Variants in INPP4B observed in about 807,000 individuals in gnomAD.
The protein encoded by INPP4B is inositol polyphosphate 4-phosphatase type II.
A neutral mutation model predicts 122.5 loss-of-function variants in INPP4B; 55 were observed. The observed-to-expected ratio is 0.45, with a 90% CI of 0.36 to 0.56. INPP4B has a LOEUF of 0.56. Among genes scored for constraint, INPP4B ranks in the 20% least tolerant of loss-of-function variants. The pLI is 0.00. For missense variants in INPP4B, 1,000 were observed against 1,097.7 expected, an observed-to-expected ratio of 0.91 and a Z score of 1.26; for synonymous variants, 403 against 388.7, an observed-to-expected ratio of 1.04 and a Z score of -0.43.
intron 1 of INPP4B, among the ~76,000 whole-genome samples, chr4:142,817,823 T>A (rs373151969): frequency 5.9e-5 from 9 of 152,254 alleles, no homozygotes; most frequent in African/African-American, 1.9e-4. Flanking sequence ...TAAAAACATC[T>A]AAACCTACTT....
chr4:142,254,078 C>A (rs1035554125), intron 11 of INPP4B, among the ~76,000 whole-genome samples: 1 of 152,084 alleles, frequency 6.6e-6, no homozygotes, highest in African/African-American at 2.4e-5. Flanking sequence ...CTGGGAGGCA[C>A]CCCCCAGCAG....
chr4:142,428,137 T>G (rs1238878698), intron 5 of INPP4B, among the ~76,000 whole-genome samples: 1 of 151,628 alleles, frequency 6.6e-6, no homozygotes, highest in Non-Finnish European at 1.5e-5. Flanking sequence ...ATAAGTCATA[T>G]TTTAAAATAA....
chr4:142,734,508 A>G (rs146850632), intron 1 of INPP4B, among the ~76,000 whole-genome samples: 1 of 152,276 alleles, frequency 6.6e-6, no homozygotes, highest in Non-Finnish European at 1.5e-5. Flanking sequence ...CTTCAGGTAT[A>G]TTCCTTTTGC....
chr4:142,571,612 C>T (rs1732843620), intron 2 of INPP4B, among the ~76,000 whole-genome samples: 2 of 152,100 alleles, frequency 1.3e-5, no homozygotes, highest in East Asian at 3.9e-4. Flanking sequence ...TATCTCCTTG[C>T]AATAAAAAAG....
At chr4:142,094,621 C>T (rs1781062243) in intron 23 of INPP4B, among the ~76,000 whole-genome samples, 5 of 152,172 alleles carry the variant, frequency 3.3e-5, no homozygotes, top group Admixed American at 3.3e-4. Flanking sequence ...ACATAACCAG[C>T]CCTTCTCCAA....
chr4:142,133,074 G>T (rs1398904134), intron 18 of INPP4B, among the ~76,000 whole-genome samples: 1 of 152,060 alleles, frequency 6.6e-6, no homozygotes, highest in African/African-American at 2.4e-5. Context: ...TATTCTCTTT[G>T]TATTCCTCCT....
intron 1 of INPP4B, among the ~76,000 whole-genome samples, chr4:142,742,670 C>T (rs1768079763): frequency 6.6e-6 from 1 of 151,414 alleles, no homozygotes; most frequent in East Asian, 1.9e-4. Flanking sequence ...ACCAAATGAC[C>T]CATGGGAAAG....
chr4:142,164,070 A>C (rs1333925795), intron 16 of INPP4B, among the ~76,000 whole-genome samples: 1 of 151,876 alleles, frequency 6.6e-6, no homozygotes, highest in Non-Finnish European at 1.5e-5. Flanking sequence ...CCTTAAAAAA[A>C]CGAAATGTTT....
chr4:142,504,464 T>TAAATAC (rs1252548451), intron 2 of INPP4B, among the ~76,000 whole-genome samples: 1 of 152,168 alleles, frequency 6.6e-6, no homozygotes, highest in East Asian at 1.9e-4. Flanking sequence ...GTTAGAATTA[T>TAAATAC]AAATACATAT....
intron 15 of INPP4B, among the ~76,000 whole-genome samples, chr4:142,182,388 A>T (rs1004073101): frequency 1.2e-4 from 18 of 151,898 alleles, no homozygotes; most frequent in Non-Finnish European, 1.9e-4. Context: ...CTCTACAAAA[A>T]ATACAAAAAA....
intron 2 of INPP4B, among the ~76,000 whole-genome samples, chr4:142,520,270 A>G (rs1040071724): frequency 3.9e-5 from 6 of 152,040 alleles, no homozygotes; most frequent in African/African-American, 1.4e-4. Flanking sequence ...GGTAATCATT[A>G]GGAAATGAGA....
At chr4:142,445,908 A>T (rs1812818864) in intron 3 of INPP4B, among the ~76,000 whole-genome samples, 1 of 152,188 alleles carries the variant, frequency 6.6e-6, no homozygotes, top group Non-Finnish European at 1.5e-5. Flanking sequence ...AAATATTTGA[A>T]AATTAAACAA....
At chr4:142,398,394 A>T (rs1800185648) in intron 7 of INPP4B, among the ~76,000 whole-genome samples, 1 of 23,924 alleles carries the variant, frequency 4.2e-5, no homozygotes, top group Non-Finnish European at 9.5e-5. Context: ...AAAAAAAAAA[A>T]AAAAAAAATA....
intron 2 of INPP4B, among the ~76,000 whole-genome samples, chr4:142,584,807 T>C (rs1735821975): frequency 6.6e-6 from 1 of 152,262 alleles, no homozygotes; most frequent in Admixed American, 6.5e-5. Context: ...GTGGGAGTTA[T>C]GTTCCACCTC....
At chr4:142,283,814 T>C (rs1468795456) in intron 9 of INPP4B, among the ~76,000 whole-genome samples, 1 of 152,032 alleles carries the variant, frequency 6.6e-6, no homozygotes, top group Non-Finnish European at 1.5e-5. Context: ...TAAGACTAGA[T>C]GGAAGAAAGT....
chr4:142,503,299 T>A (rs1823619959), intron 2 of INPP4B, among the ~76,000 whole-genome samples: 1 of 152,094 alleles, frequency 6.6e-6, no homozygotes, highest in African/African-American at 2.4e-5. Context: ...CAGTAAAAAG[T>A]AAGAGTTAAT....
chr4:142,428,337 T>G (rs970562424), intron 5 of INPP4B, among the ~76,000 whole-genome samples: 2 of 151,134 alleles, frequency 1.3e-5, no homozygotes, highest in Non-Finnish European at 3.0e-5. Context: ...GTGGTCTCTG[T>G]ATACGAAATT....
chr4:142,031,850 C>T (rs944082407), intron 25 of INPP4B, among the ~76,000 whole-genome samples: 2 of 152,108 alleles, frequency 1.3e-5, no homozygotes, highest in African/African-American at 4.8e-5. Flanking sequence ...CTACTATGAA[C>T]CAATTGCTGC....
intron 2 of INPP4B, among the ~76,000 whole-genome samples, chr4:142,619,545 G>C (rs1342810963): frequency 2.0e-5 from 3 of 152,006 alleles, no homozygotes; most frequent in Non-Finnish European, 4.4e-5. Context: ...GAGTCAGGGA[G>C]TTATATAAAA....
Sources: gnomAD v4.1 joint callset for allele counts (sites outside exome capture counted in the v4.1 genomes callset) on GRCh38, gnomAD v4.1.1 for gene constraint, MANE v1.5 for transcripts, NCBI Gene and HGNC (gene_info 2026-07-23, HGNC 2026-07-21) for gene names.